Variants in SANBR observed in about 807,000 individuals in gnomAD.
The protein encoded by SANBR is SANT and BTB domain regulator of class switch recombination.
Under a neutral mutation model 101.8 loss-of-function variants are expected in SANBR, and 77 were observed. That is an observed-to-expected ratio of 0.76 (90% CI 0.63 to 0.91). The LOEUF is 0.91. SANBR is among the 40% of genes least tolerant of loss of function. SANBR has a pLI of 0.00. For missense variants in SANBR, 875 were observed against 853.0 expected (o/e 1.03, Z -0.32); for synonymous variants, 279 against 274.7 (o/e 1.02, Z -0.15).
intron 12 of SANBR, among the ~76,000 whole-genome samples, chr2:61,101,160 A>C (rs2104924071): frequency 6.6e-6 from 1 of 152,334 alleles, no homozygotes; most frequent in African/African-American, 2.4e-5. Context: ...TATATTTTAC[A>C]TACAAAGATA....
intron 4 of SANBR, 103 bp downstream of exon 4, chr2:61,071,895 A>T: frequency 1.4e-6 from 1 of 689,784 alleles, no homozygotes; most frequent in South Asian, 2.0e-5. Context: ...GCTAATATAA[A>T]CATTAATAGA....
intron 20 of SANBR, among the ~76,000 whole-genome samples, chr2:61,119,321 GAAA>G (rs1466387113): frequency 6.6e-6 from 1 of 151,966 alleles, no homozygotes; most frequent in African/African-American, 2.4e-5. Context: ...GTGACCTTAG[GAAA>G]ATATTTCTTA....
rs1292061454 is a variant in SANBR at position 61,077,246 on chromosome 2, G to A, written c.670+88G>A. 5 of 876,838 alleles carry A rather than the reference G, an allele frequency of 5.7e-6. No homozygotes were observed. In the East Asian group the frequency reaches 1.2e-4, roughly 21 times the overall value. 54.3% of individuals were successfully genotyped at this position (876,838 alleles called of 1,614,324 possible). A position where few individuals can be genotyped will look rare whatever the true frequency, so the allele number is the denominator to read the frequency against. On this transcript the variant is annotated intron_variant, in intron 6 of 21. Transcript: ENST00000402291. ...GGCCAAAAGTGAAATGTGGAAAATT[G>A]TTTGGACACCGGTGTTTATGCTCAT...
intron 16 of SANBR, among the ~76,000 whole-genome samples, chr2:61,112,355 C>A (rs925928603): frequency 1.3e-5 from 2 of 152,108 alleles, no homozygotes; most frequent in African/African-American, 2.4e-5. Context: ...TTGTTTAAAT[C>A]TTTGGCCCAT....
intron 4 of SANBR, among the ~76,000 whole-genome samples, chr2:61,072,889 G>A (rs1034032830): frequency 4.0e-5 from 5 of 124,316 alleles, no homozygotes; most frequent in East Asian, 2.4e-4. Context: ...TGGTGGTTGC[G>A]CTGTGTTGCT....
At chr2:61,094,074 TG>T in intron 11 of SANBR, 1 of 983,664 alleles carries the variant, frequency 1.0e-6, no homozygotes, top group Non-Finnish European at 1.2e-6. Context: ...ATCTTCAGAT[TG>T]GGATTTTAAA....
At chr2:61,134,358 T>A in intron 21 of SANBR, 5 of 1,400,118 alleles carry the variant, frequency 3.6e-6, no homozygotes, top group Non-Finnish European at 4.8e-6. Flanking sequence ...TTATTCCCAT[T>A]TTTGGCTTGG....
chr2:61,130,091 C>T (rs1041105536), intron 20 of SANBR, among the ~76,000 whole-genome samples: 1 of 152,116 alleles, frequency 6.6e-6, no homozygotes, highest in Non-Finnish European at 1.5e-5. Context: ...ATAATTTTTG[C>T]TTTCTCCATG....
At chr2:61,103,394 C>T (rs1187186678) in intron 12 of SANBR, among the ~76,000 whole-genome samples, 1 of 152,150 alleles carries the variant, frequency 6.6e-6, no homozygotes, top group Non-Finnish European at 1.5e-5. Flanking sequence ...ACACCTTGGC[C>T]TCCCAAAGTG....
At chr2:61,072,820 A>ATTTTTTTTTTTTT (rs1435131296) in intron 4 of SANBR, among the ~76,000 whole-genome samples, 1 of 21,868 alleles carries the variant, frequency 4.6e-5, no homozygotes, top group Admixed American at 5.6e-4. Flanking sequence ...CTCTCATGTT[A>ATTTTTTTTTTTTT]CTTTTTTTTT....
exon 21 of SANBR, chr2:61,134,242 T>C (rs1684778460): frequency 1.3e-6 from 2 of 1,587,548 alleles, no homozygotes; most frequent in South Asian, 2.2e-5. Context: ...AACGAATTAA[T>C]ACATGAAAGG....
In SANBR at chr2:61,092,574, C is replaced by T; in HGVS notation, c.1199C>T (p.Ser400Leu). The T allele has an allele frequency of 6.3e-7, 1 of 1,586,094 alleles. No individual in the cohort carries two copies. Among genetic ancestry groups the T allele is most frequent in the South Asian group, 1.2e-5 (1 of 83,340 alleles). Reference protein sequence around the residue: ...LWGTINWLTCSRCYQAFLCIE... With the variant: ...LWGTINWLTCLRCYQAFLCIE... ...GGAACAATCAATTGGCTGACTTGTT[C>T]AAGATGTTATCAGGTAAGATTTTTT... Residue 400 changes from serine to leucine, a missense_variant, in exon 11 of 22, where the codon TCA becomes TTA. Coordinates refer to ENST00000402291, the MANE Select transcript of SANBR (RefSeq NM_001129993.3).
At chr2:61,082,061 G>A (rs775038398) in intron 7 of SANBR, among the ~76,000 whole-genome samples, 14 of 151,944 alleles carry the variant, frequency 9.2e-5, no homozygotes, top group Non-Finnish European at 1.8e-4. Flanking sequence ...ATGGGGTGGG[G>A]TGGTCTTGCT....
chr2:61,086,965 G>A (rs773987242), intron 8 of SANBR, among the ~76,000 whole-genome samples: 1 of 152,124 alleles, frequency 6.6e-6, no homozygotes, highest in Non-Finnish European at 1.5e-5. Context: ...AAGGAAAGAT[G>A]GAGACAGGTA....
chr2:61,088,687 GT>G, intron 10 of SANBR: 1 of 295,236 alleles, frequency 3.4e-6, no homozygotes, highest in Non-Finnish European at 5.8e-6. Flanking sequence ...CACCCAGCTA[GT>G]TTTTGTATTT....
chr2:61,129,258 A>T (rs1444566526), downstream of SANBR, among the ~76,000 whole-genome samples: 3 of 152,206 alleles, frequency 2.0e-5, no homozygotes, highest in East Asian at 5.8e-4. Flanking sequence ...AGCCTGGCCA[A>T]CGTGGTGAAA....
chr2:61,098,172 C>T (rs1284257204), intron 12 of SANBR, among the ~76,000 whole-genome samples: 2 of 150,252 alleles, frequency 1.3e-5, no homozygotes, highest in African/African-American at 4.9e-5. Context: ...GGTGCCATCT[C>T]GGCTCACTCC....
chr2:61,104,983 C>G (rs1360996773), intron 13 of SANBR, among the ~76,000 whole-genome samples: 1 of 151,328 alleles, frequency 6.6e-6, no homozygotes, highest in Non-Finnish European at 1.5e-5. Context: ...GAGTTCATCT[C>G]TCCATGAGTT....
chr2:61,067,738 TAACAAC>T (rs150082222), intron 1 of SANBR, among the ~76,000 whole-genome samples: 5 of 151,784 alleles, frequency 3.3e-5, no homozygotes. Context: ...CACTCCGTCT[TAACAAC>T]AACAACAACA....
Sources: gnomAD v4.1 joint callset for allele counts (sites outside exome capture counted in the v4.1 genomes callset) on GRCh38, gnomAD v4.1.1 for gene constraint, MANE v1.5 for transcripts, NCBI Gene and HGNC (gene_info 2026-07-23, HGNC 2026-07-21) for gene names.